RASAL2: variants seen among roughly 807,000 people sequenced by gnomAD.
The protein encoded by RASAL2 is ras GTPase-activating protein nGAP.
A neutral mutation model predicts 128.9 loss-of-function variants in RASAL2; 58 were observed. The ratio of observed to expected loss-of-function variants is 0.45; its 90% confidence interval spans 0.36 to 0.56. The LOEUF (loss-of-function observed/expected upper bound fraction) is 0.56. Ranked by LOEUF, RASAL2 falls within the 20% of genes least tolerant of loss-of-function variation. RASAL2 has a pLI of 0.00. For missense variants in RASAL2, 1,360 were observed against 1,601.6 expected (o/e 0.85, Z 2.57); for synonymous variants, 561 against 580.8 (o/e 0.97, Z 0.49).
intron 3 of RASAL2, among the ~76,000 whole-genome samples, chr1:178,338,258 T>C (rs1277528553): frequency 1.3e-5 from 2 of 151,804 alleles, no homozygotes; most frequent in Non-Finnish European, 2.9e-5. Context: ...GCCTCCCAAG[T>C]AGATGGGATT....
At chr1:178,423,452 A>G (rs1675294859) in intron 5 of RASAL2, among the ~76,000 whole-genome samples, 2 of 152,178 alleles carry the variant, frequency 1.3e-5, no homozygotes, top group African/African-American at 4.8e-5. Context: ...GAAATAGTAA[A>G]ATGTAGTATT....
At chr1:178,326,824 G>A (rs377050389) in intron 3 of RASAL2, among the ~76,000 whole-genome samples, 1 of 152,118 alleles carries the variant, frequency 6.6e-6, no homozygotes, top group Non-Finnish European at 1.5e-5. Flanking sequence ...GATTACAGGG[G>A]TGAGCCACCA....
intron 3 of RASAL2, among the ~76,000 whole-genome samples, chr1:178,321,967 A>C (rs1668808747): frequency 6.6e-6 from 1 of 151,794 alleles, no homozygotes; most frequent in East Asian, 1.9e-4. Context: ...CAGCCTGGGC[A>C]ACAAGAGCGA....
intron 3 of RASAL2, among the ~76,000 whole-genome samples, chr1:178,314,424 C>G (rs1668401867): frequency 6.6e-6 from 1 of 152,144 alleles, no homozygotes; most frequent in African/African-American, 2.4e-5. Context: ...CAGCTTCCTA[C>G]TTTAGATTAC....
At chr1:178,309,714 A>C (rs1265418971) in intron 3 of RASAL2, among the ~76,000 whole-genome samples, 2 of 152,134 alleles carry the variant, frequency 1.3e-5, no homozygotes, top group African/African-American at 4.8e-5. Context: ...TAGGGGCACT[A>C]CTCTCAAAAA....
intron 1 of RASAL2, among the ~76,000 whole-genome samples, chr1:178,265,662 A>G (rs1362723141): frequency 3.3e-5 from 5 of 152,332 alleles, no homozygotes; most frequent in African/African-American, 9.6e-5. Context: ...CATAAATTGT[A>G]TAGCTTGATG....
chr1:178,410,492 G>C (rs913628269), intron 4 of RASAL2, among the ~76,000 whole-genome samples: 1 of 152,066 alleles, frequency 6.6e-6, no homozygotes, highest in Non-Finnish European at 1.5e-5. Flanking sequence ...GAACCCAAAA[G>C]CAAATGCAAC....
At chr1:178,174,543 C>A (rs1004904967) in intron 1 of RASAL2, among the ~76,000 whole-genome samples, 1 of 152,068 alleles carries the variant, frequency 6.6e-6, no homozygotes. Context: ...TTAATGGGTA[C>A]TTTTCTTATC....
intron 1 of RASAL2, among the ~76,000 whole-genome samples, chr1:178,133,919 C>T (rs1660213871): frequency 6.6e-6 from 1 of 152,066 alleles, no homozygotes; most frequent in Admixed American, 6.5e-5. Flanking sequence ...TTAATAGCTG[C>T]CTTGCTCCTC....
intron 1 of RASAL2, among the ~76,000 whole-genome samples, chr1:178,162,371 A>ATATATATT (rs1399817286): frequency 8.3e-6 from 1 of 119,828 alleles, no homozygotes; most frequent in African/African-American, 3.3e-5. Context: ...TATACATATA[A>ATATATATT]TATATATTTA....
intron 3 of RASAL2, chr1:178,341,559 G>A (rs771262413): frequency 9.3e-6 from 15 of 1,613,592 alleles, no homozygotes; most frequent in Middle Eastern, 1.6e-4. Context: ...CTGGCGTGCC[G>A]GAAAGATCAT....
intron 1 of RASAL2, among the ~76,000 whole-genome samples, chr1:178,204,638 A>T (rs1489680792): frequency 6.6e-6 from 1 of 152,234 alleles, no homozygotes; most frequent in Non-Finnish European, 1.5e-5. Flanking sequence ...TTTTGCATAA[A>T]TTAAAAAGCA....
chr1:178,452,573 C>G lies in RASAL2; in HGVS notation c.1930C>G (p.Gln644Glu). 1 of 1,614,086 alleles carries G rather than the reference C, an allele frequency of 6.2e-7. No homozygotes were observed. The highest frequency in any genetic ancestry group is 8.5e-7 in the Non-Finnish European group (1 of 1,179,972). The change falls in exon 11 of 18, where the codon CAG (glutamine) becomes GAG (glutamate). Residue 644 changes from glutamine to glutamate, a missense_variant. Physicochemically the swap from Gln to Glu is conservative, Grantham distance 29 (BLOSUM62 2). Transcript: ENST00000367649. ...IMSPSLFNLM[Q>E]EYPDDRTSRT... ...GTCTCCCAGTCTTTTCAACCTTATG[C>G]AGGAGTATCCTGATGACCGCACATC...
chr1:178,386,485 A>G (rs1345193185), intron 3 of RASAL2, among the ~76,000 whole-genome samples: 1 of 152,192 alleles, frequency 6.6e-6, no homozygotes, highest in African/African-American at 2.4e-5. Flanking sequence ...ATCATTCTAT[A>G]TGGAGCTGTA....
At chr1:178,468,463 C>T (rs1043004018) in intron 17 of RASAL2, among the ~76,000 whole-genome samples, 1 of 152,184 alleles carries the variant, frequency 6.6e-6, no homozygotes, top group Non-Finnish European at 1.5e-5. Context: ...GTCTAGTTTC[C>T]TTACAGAGTC....
rs147631470 is a variant in RASAL2 at position 178,355,794 on chromosome 1, A to G, written c.458-34306A>G. Among the ~76,000 whole-genome samples the G allele has an allele frequency of 8.5e-5, 13 of 152,380 alleles. 1 individual carries two copies. In the East Asian group the frequency reaches 2.5e-3, roughly 29 times the overall value. On this transcript the variant is annotated intron_variant, in intron 3 of 17. Transcript: ENST00000367649. ...ATAGAAAAATGGGCAGAGACTTAAT[A>G]GGCACTTCACAAAAGAATATAACCA...
intron 1 of RASAL2, among the ~76,000 whole-genome samples, chr1:178,164,872 G>A (rs1661468570): frequency 1.3e-5 from 2 of 148,246 alleles, no homozygotes; most frequent in Admixed American, 1.4e-4. Flanking sequence ...TGTGTATACA[G>A]TGGGCCCTCT....
At chr1:178,131,061 A>C (rs1660091618) in intron 1 of RASAL2, among the ~76,000 whole-genome samples, 1 of 151,024 alleles carries the variant, frequency 6.6e-6, no homozygotes, top group African/African-American at 2.4e-5. Flanking sequence ...TCTCAAAAAC[A>C]AACAAAAAAA....
At chr1:178,311,253 A>AAACACAC (rs1668232790) in intron 3 of RASAL2, among the ~76,000 whole-genome samples, 2 of 143,602 alleles carry the variant, frequency 1.4e-5, no homozygotes, top group Non-Finnish European at 3.0e-5. Context: ...CACACACACA[A>AAACACAC]ACACACACAC....
Sources: gnomAD v4.1 joint callset for allele counts (sites outside exome capture counted in the v4.1 genomes callset) on GRCh38, gnomAD v4.1.1 for gene constraint, MANE v1.5 for transcripts, NCBI Gene and HGNC (gene_info 2026-07-23, HGNC 2026-07-21) for gene names.